Variants in THSD7B observed in about 807,000 individuals in gnomAD.
THSD7B encodes thrombospondin type-1 domain-containing protein 7B.
THSD7B carries 138 observed loss-of-function variants against 213.6 expected under a neutral mutation model. The observed-to-expected ratio is 0.65, with a 90% CI of 0.56 to 0.74. THSD7B has a LOEUF of 0.74. Ranked by LOEUF, THSD7B falls within the 30% of genes least tolerant of loss-of-function variation. The pLI is 0.00. For synonymous variants in THSD7B, 742 were observed against 687.0 expected (o/e 1.08, Z -1.25); for missense variants, 1,931 against 1,991.5 (o/e 0.97, Z 0.58).
At chr2:136,794,844 G>T (rs1447374908) in intron 1 of THSD7B, among the ~76,000 whole-genome samples, 1 of 151,582 alleles carries the variant, frequency 6.6e-6, no homozygotes, top group Non-Finnish European at 1.5e-5. Context: ...TTTTCCCTCA[G>T]ATTAAAAAAG....
chr2:136,896,025 CTT>C (rs1404535957), intron 2 of THSD7B, among the ~76,000 whole-genome samples: 4 of 152,144 alleles, frequency 2.6e-5, no homozygotes, highest in African/African-American at 9.7e-5. Context: ...TGTTTCTACT[CTT>C]TGGCTGCTAT....
At chr2:137,466,671 G>A (rs1418987220) in intron 15 of THSD7B, among the ~76,000 whole-genome samples, 4 of 152,034 alleles carry the variant, frequency 2.6e-5, no homozygotes, top group African/African-American at 7.2e-5. Context: ...AAACCAGTTT[G>A]CACGCAATCA....
chr2:137,556,136 G>T (rs1459762597), intron 15 of THSD7B, among the ~76,000 whole-genome samples: 1 of 152,190 alleles, frequency 6.6e-6, no homozygotes, highest in Non-Finnish European at 1.5e-5. Flanking sequence ...TTATCCAGGA[G>T]AACTTCCCCA....
intron 2 of THSD7B, among the ~76,000 whole-genome samples, chr2:136,956,414 C>G (rs1685124174): frequency 6.6e-6 from 1 of 152,150 alleles, no homozygotes; most frequent in Admixed American, 6.5e-5. Flanking sequence ...TTCCATAGGT[C>G]TGACCAATAG....
chr2:137,126,160 C>G (rs886564078), intron 5 of THSD7B, among the ~76,000 whole-genome samples: 3 of 152,152 alleles, frequency 2.0e-5, no homozygotes, highest in Non-Finnish European at 4.4e-5. Flanking sequence ...GCATCGGCCC[C>G]TAATGAAAGA....
intron 12 of THSD7B, among the ~76,000 whole-genome samples, chr2:137,404,542 A>G (rs1686463412): frequency 8.0e-6 from 1 of 124,418 alleles, no homozygotes; most frequent in Non-Finnish European, 1.8e-5. Flanking sequence ...ATATATACAC[A>G]CATACTATAT....
At chr2:137,329,131 GA>G (rs930444206) in intron 12 of THSD7B, among the ~76,000 whole-genome samples, 22 of 152,304 alleles carry the variant, frequency 1.4e-4, no homozygotes, top group African/African-American at 4.6e-4. Flanking sequence ...GAAGATGTGG[GA>G]AAGTTTAAAA....
intron 17 of THSD7B, among the ~76,000 whole-genome samples, chr2:137,594,216 C>T (rs1468947083): frequency 2.0e-5 from 3 of 151,970 alleles, no homozygotes; most frequent in Admixed American, 1.3e-4. Flanking sequence ...AGGCTTATAT[C>T]TCCTGCCACT....
chr2:137,349,877 G>A (rs755739777), intron 12 of THSD7B, among the ~76,000 whole-genome samples: 3 of 151,784 alleles, frequency 2.0e-5, no homozygotes, highest in Middle Eastern at 3.2e-3. Context: ...TATCTATCTT[G>A]CCTCCTAAAT....
chr2:137,159,212 G>A (rs1016848683), intron 5 of THSD7B, among the ~76,000 whole-genome samples: 2 of 152,064 alleles, frequency 1.3e-5, no homozygotes, highest in Non-Finnish European at 1.5e-5. Flanking sequence ...AAGGCAGATT[G>A]CTTGAGCCCA....
At chr2:137,359,823 T>A (rs952328626) in intron 12 of THSD7B, among the ~76,000 whole-genome samples, 11 of 152,194 alleles carry the variant, frequency 7.2e-5, no homozygotes, top group African/African-American at 2.7e-4. Flanking sequence ...ATACTTATCT[T>A]GCTGTTCTTC....
At chr2:137,421,529 G>A (rs1020039207) in intron 14 of THSD7B, among the ~76,000 whole-genome samples, 2 of 152,162 alleles carry the variant, frequency 1.3e-5, no homozygotes, top group Non-Finnish European at 2.9e-5. Flanking sequence ...GGGCATGGGG[G>A]TAGGGGGACA....
At chr2:137,530,996 T>C (rs576157327) in intron 15 of THSD7B, among the ~76,000 whole-genome samples, 1 of 152,140 alleles carries the variant, frequency 6.6e-6, no homozygotes, top group Non-Finnish European at 1.5e-5. Flanking sequence ...TTGGGATGCA[T>C]TTTCTGTCAC....
chr2:137,627,842 G>A (rs1023208975), intron 20 of THSD7B, among the ~76,000 whole-genome samples: 3 of 152,190 alleles, frequency 2.0e-5, no homozygotes, highest in African/African-American at 4.8e-5. Flanking sequence ...AAATGAAATG[G>A]CAGGTCTTAG....
chr2:137,646,598 G>C (rs1683035985), intron 21 of THSD7B, among the ~76,000 whole-genome samples: 1 of 150,216 alleles, frequency 6.7e-6, no homozygotes. Flanking sequence ...GTTGGAGTGA[G>C]CTGAGATCAC....
At chr2:137,492,835 T>A (rs1467246637) in intron 15 of THSD7B, among the ~76,000 whole-genome samples, 2 of 151,974 alleles carry the variant, frequency 1.3e-5, no homozygotes, top group African/African-American at 4.8e-5. Context: ...AAGAAAAGTA[T>A]CTTTGGGCTG....
At chr2:136,888,249 G>A (rs1375685826) in intron 2 of THSD7B, among the ~76,000 whole-genome samples, 12 of 152,046 alleles carry the variant, frequency 7.9e-5, no homozygotes, top group Non-Finnish European at 1.3e-4. Context: ...TAAAAAGGGT[G>A]AGGATAATGA....
At chr2:137,459,291 A>G (rs1687832433) in intron 15 of THSD7B, among the ~76,000 whole-genome samples, 1 of 152,222 alleles carries the variant, frequency 6.6e-6, no homozygotes, top group African/African-American at 2.4e-5. Context: ...ACAGAAAGCA[A>G]GTGACCTATG....
chr2:137,364,761 A>G (rs976163787), intron 12 of THSD7B, among the ~76,000 whole-genome samples: 9 of 152,206 alleles, frequency 5.9e-5, no homozygotes, highest in African/African-American at 2.2e-4. Flanking sequence ...AAATGAAAAA[A>G]CATTCCATGC....
Sources: allele counts gnomAD v4.1 joint callset (sites outside exome capture counted in the v4.1 genomes callset), GRCh38; gene constraint gnomAD v4.1.1; transcripts MANE v1.5; gene names NCBI Gene and HGNC (gene_info 2026-07-23, HGNC 2026-07-21).